The following KCND2 variants were observed in gnomAD, a reference collection of about 807,000 sequenced individuals.
The protein encoded by KCND2 is potassium voltage-gated channel subfamily D member 2.
In KCND2, 16 loss-of-function variants were observed where a neutral mutation model predicts 54.4. The observed-to-expected ratio is 0.29, with a 90% CI of 0.20 to 0.45. The LOEUF is 0.45. Ranked by LOEUF, KCND2 falls within the 20% of genes least tolerant of loss-of-function variation. The pLI, the probability that KCND2 is intolerant of heterozygous loss-of-function variation, is 1.00. For synonymous variants in KCND2, 317 were observed against 310.7 expected (o/e 1.02, Z -0.21); for missense variants, 486 against 824.2 (o/e 0.59, Z 5.02).
chr7:120,302,424 T>C (rs1799600224), intron 1 of KCND2, among the ~76,000 whole-genome samples: 1 of 152,084 alleles, frequency 6.6e-6, no homozygotes, highest in Non-Finnish European at 1.5e-5. Context: ...CAGGCCTGGC[T>C]AATTTCTCTG....
intron 1 of KCND2, among the ~76,000 whole-genome samples, chr7:120,299,331 T>G (rs1277673436): frequency 2.6e-5 from 4 of 152,176 alleles, no homozygotes; most frequent in Non-Finnish European, 5.9e-5. Flanking sequence ...AACAGTTTAA[T>G]AGGAAGTGAG....
rs1793030352 is a variant in KCND2, at chr7:120,748,238, T to C, written c.*380T>C. The C allele has an allele frequency of 5.9e-6, 1 of 169,310 alleles. No individual in the cohort carries two copies. Among genetic ancestry groups the C allele is most frequent in the Non-Finnish European group, 1.3e-5 (1 of 78,350 alleles). 10.5% of individuals were successfully genotyped at this position (169,310 alleles called of 1,614,324 possible). On this transcript the variant is annotated 3_prime_UTR_variant, in exon 6 of 6. Transcript: ENST00000331113. ...AAAACATTTTGATAAAATTTTTTCC[T>C]GTTAAAACCATGAACATTGGCTATG...
At chr7:120,359,060 G>T (rs948489587) in intron 1 of KCND2, among the ~76,000 whole-genome samples, 1 of 152,126 alleles carries the variant, frequency 6.6e-6, no homozygotes, top group Non-Finnish European at 1.5e-5. Flanking sequence ...TCTTTATAGT[G>T]TGACCCTTCC....
intron 1 of KCND2, among the ~76,000 whole-genome samples, chr7:120,671,849 G>A (rs1256028347): frequency 1.3e-5 from 2 of 152,066 alleles, no homozygotes; most frequent in East Asian, 3.8e-4. Context: ...CAATTCCACT[G>A]AAAGTGGGCA....
At chr7:120,338,005 A>G (rs1270088962) in intron 1 of KCND2, among the ~76,000 whole-genome samples, 1 of 152,166 alleles carries the variant, frequency 6.6e-6, no homozygotes, top group Non-Finnish European at 1.5e-5. Context: ...TTGTCCTTTT[A>G]TCCATTAAAT....
chr7:120,390,312 C>G (rs1563030473), intron 1 of KCND2, among the ~76,000 whole-genome samples: 1 of 151,760 alleles, frequency 6.6e-6, no homozygotes, highest in Non-Finnish European at 1.5e-5. Flanking sequence ...ATAATATATT[C>G]TTTGTTCATA....
chr7:120,535,534 A>C (rs1297637628), intron 1 of KCND2, among the ~76,000 whole-genome samples: 3 of 152,182 alleles, frequency 2.0e-5, no homozygotes, highest in Non-Finnish European at 2.9e-5. Flanking sequence ...ACAGAGAGCG[A>C]GAGGTCACAT....
intron 1 of KCND2, among the ~76,000 whole-genome samples, chr7:120,300,778 G>T (rs1301039580): frequency 6.6e-6 from 1 of 151,910 alleles, no homozygotes; most frequent in Non-Finnish European, 1.5e-5. Flanking sequence ...GGCCAACTTT[G>T]CCCTAAGACA....
At chr7:120,280,824 G>A (rs768174865) in intron 1 of KCND2, among the ~76,000 whole-genome samples, 5 of 151,872 alleles carry the variant, frequency 3.3e-5, no homozygotes, top group Admixed American at 1.3e-4. Flanking sequence ...AATAATTATC[G>A]GGACTGCTGC....
chr7:120,304,911 G>A (rs1050260833), intron 1 of KCND2, among the ~76,000 whole-genome samples: 17 of 152,110 alleles, frequency 1.1e-4, no homozygotes, highest in Non-Finnish European at 2.1e-4. Context: ...TCACTGCACC[G>A]AGTCTGCTAA....
chr7:120,298,867 G>T (rs1229101201), intron 1 of KCND2, among the ~76,000 whole-genome samples: 2 of 152,148 alleles, frequency 1.3e-5, no homozygotes, highest in Non-Finnish European at 2.9e-5. Context: ...TAAAGAAATT[G>T]AGAATGGAGG....
At chr7:120,624,533 C>A (rs921498007) in intron 1 of KCND2, among the ~76,000 whole-genome samples, 1 of 152,092 alleles carries the variant, frequency 6.6e-6, no homozygotes, top group Non-Finnish European at 1.5e-5. Flanking sequence ...ATAATCTCAG[C>A]ATTTGAGGGA....
In KCND2 at chr7:120,537,166, G is replaced by T. The variant is rs181410816; in HGVS notation, c.1116-195737G>T. Reference sequence around the variant, plus strand: ...GGGATGCAGGATACATGTTACGTTAGCAGGCATAAAAACAGTGGTGATCTT... The same window carrying T: ...GGGATGCAGGATACATGTTACGTTATCAGGCATAAAAACAGTGGTGATCTT... On this transcript the variant is annotated intron_variant, in intron 1 of 5. Coordinates refer to ENST00000331113, the MANE Select transcript of KCND2 (RefSeq NM_012281.3). 5.3e-5 allele frequency among the ~76,000 whole-genome samples: 8 copies of T among 152,278 alleles called. No individual in the cohort carries two copies. In the East Asian group the frequency reaches 1.5e-3, roughly 29 times the overall value.
intron 1 of KCND2, among the ~76,000 whole-genome samples, chr7:120,470,831 TATATA>T (rs145457303): frequency 0.072 from 10,930 of 151,878 alleles, 939 homozygotes; most frequent in East Asian, 0.45. Flanking sequence ...ATATTTAAAA[TATATA>T]ATATAAGTAA....
Position 120,749,440 on chromosome 7 carries a change from A to C in KCND2, c.*1582A>C, listed in dbSNP as rs2116201270. 1 of 152,464 alleles carries C rather than the reference A, an allele frequency of 6.6e-6. No homozygotes were observed. The highest frequency in any genetic ancestry group is 2.1e-4 in the South Asian group (1 of 4,818). 9.4% of individuals were successfully genotyped at this position (152,464 alleles called of 1,614,324 possible). A position where few individuals can be genotyped will look rare whatever the true frequency, so the allele number is the denominator to read the frequency against. On this transcript the variant is annotated 3_prime_UTR_variant, in exon 6 of 6. Coordinates refer to ENST00000331113, the MANE Select transcript of KCND2 (RefSeq NM_012281.3). ...ACAGTGTAAAAAAGTTTAATGTCAA[A>C]TGCAAAGTTTTTATTCATTCCAAGC...
intron 1 of KCND2, among the ~76,000 whole-genome samples, chr7:120,450,403 G>A (rs779417926): frequency 1.6e-4 from 24 of 152,132 alleles, no homozygotes; most frequent in Middle Eastern, 3.4e-3. Context: ...GTGAGACTCC[G>A]TCTAAAAAAA....
At chr7:120,308,596 T>G (rs1799682925) in intron 1 of KCND2, among the ~76,000 whole-genome samples, 1 of 152,312 alleles carries the variant, frequency 6.6e-6, no homozygotes, top group Admixed American at 6.5e-5. Context: ...ATACAATTTG[T>G]TGACTCAAAT....
intron 1 of KCND2, among the ~76,000 whole-genome samples, chr7:120,402,181 G>GCTT (rs2116083211): frequency 6.6e-6 from 1 of 152,202 alleles, no homozygotes; most frequent in African/African-American, 2.4e-5. Context: ...AATAGTTATA[G>GCTT]CTTCCCATTG....
At chr7:120,690,839 G>A (rs1269427717) in intron 1 of KCND2, among the ~76,000 whole-genome samples, 1 of 152,094 alleles carries the variant, frequency 6.6e-6, no homozygotes, top group African/African-American at 2.4e-5. Context: ...GAGGACAGAT[G>A]TATGCAAAAT....
Sources: gnomAD v4.1 joint callset for allele counts (sites outside exome capture counted in the v4.1 genomes callset) on GRCh38, gnomAD v4.1.1 for gene constraint, MANE v1.5 for transcripts, NCBI Gene and HGNC (gene_info 2026-07-23, HGNC 2026-07-21) for gene names.